Variants in CNTNAP2 observed in about 807,000 individuals in gnomAD.
The protein encoded by CNTNAP2 is contactin associated protein 2.
CNTNAP2 carries 98 observed loss-of-function variants against 155.2 expected under a neutral mutation model. The observed-to-expected ratio is 0.63, with a 90% CI of 0.54 to 0.75. The LOEUF is 0.75. Among genes scored for constraint, CNTNAP2 ranks in the 30% least tolerant of loss-of-function variants. The pLI, the probability that CNTNAP2 is intolerant of heterozygous loss-of-function variation, is 0.00. For synonymous variants in CNTNAP2, 651 were observed against 631.2 expected (o/e 1.03, Z -0.47); for missense variants, 1,727 against 1,688.1 (o/e 1.02, Z -0.40).
At chr7:146,993,066 G>A (rs1350473192) in intron 3 of CNTNAP2, among the ~76,000 whole-genome samples, 2 of 152,160 alleles carry the variant, frequency 1.3e-5, no homozygotes, top group African/African-American at 2.4e-5. Flanking sequence ...GAGGCAGAAC[G>A]CAGGAGAGAT....
intron 11 of CNTNAP2, among the ~76,000 whole-genome samples, chr7:147,489,891 A>G (rs1798574881): frequency 6.6e-6 from 1 of 152,192 alleles, no homozygotes; most frequent in Non-Finnish European, 1.5e-5. Context: ...CTGGGATTAC[A>G]GGCATGAGCC....
intron 10 of CNTNAP2, among the ~76,000 whole-genome samples, chr7:147,417,226 C>A (rs1797209027): frequency 6.6e-6 from 1 of 152,124 alleles, no homozygotes; most frequent in Non-Finnish European, 1.5e-5. Flanking sequence ...TTTATCCAGG[C>A]TGCTATAACA....
At chr7:146,126,191 T>A (rs1037514460) in intron 1 of CNTNAP2, among the ~76,000 whole-genome samples, 2 of 152,194 alleles carry the variant, frequency 1.3e-5, no homozygotes, top group African/African-American at 2.4e-5. Flanking sequence ...GCTGTCTCTG[T>A]GTTCAAGTTC....
chr7:147,470,229 C>T (rs1563216877), intron 10 of CNTNAP2, among the ~76,000 whole-genome samples: 3 of 152,180 alleles, frequency 2.0e-5, no homozygotes, highest in African/African-American at 7.2e-5. Flanking sequence ...AGCCGGGAAA[C>T]CACAGAAATA....
rs1252814013 is a variant in CNTNAP2 at position 147,560,945 on chromosome 7, A to T, written c.1778-1193A>T. 4.6e-5 allele frequency among the ~76,000 whole-genome samples: 7 copies of T among 151,788 alleles called. No homozygotes were observed. The East Asian group carries it at 9.7e-4, about 21-fold the overall frequency. ...GGGAGGTCCCAGAATCAGACCACCC[A>T]TGAAACTGACTTTCTGATTCCAACC... is the stretch of plus-strand genomic sequence containing the variant. On this transcript the variant is annotated intron_variant, in intron 11 of 23. Coordinates refer to ENST00000361727, the MANE Select transcript of CNTNAP2 (RefSeq NM_014141.6).
intron 12 of CNTNAP2, among the ~76,000 whole-genome samples, chr7:147,637,492 A>G (rs539251187): frequency 6.6e-6 from 1 of 152,150 alleles, no homozygotes; most frequent in South Asian, 2.1e-4. Context: ...AGGAAGTTCA[A>G]TAAGTCTCTT....
intron 15 of CNTNAP2, among the ~76,000 whole-genome samples, chr7:147,984,455 A>C (rs966806723): frequency 4.6e-5 from 7 of 152,192 alleles, no homozygotes; most frequent in Non-Finnish European, 2.9e-5. Context: ...CTTTGCCAAT[A>C]AGTTTCAGAG....
chr7:146,247,936 G>A (rs894533016), intron 1 of CNTNAP2, among the ~76,000 whole-genome samples: 1 of 151,820 alleles, frequency 6.6e-6, no homozygotes, highest in Non-Finnish European at 1.5e-5. Flanking sequence ...TTGGGGCACA[G>A]AGATACGAGG....
intron 4 of CNTNAP2, among the ~76,000 whole-genome samples, chr7:147,099,537 A>G (rs1255767812): frequency 6.6e-6 from 1 of 152,170 alleles, no homozygotes; most frequent in African/African-American, 2.4e-5. Context: ...TTTCCTCAAT[A>G]TTATATAAAT....
At chr7:147,046,324 AG>A (rs1446388143) in intron 4 of CNTNAP2, among the ~76,000 whole-genome samples, 4 of 152,208 alleles carry the variant, frequency 2.6e-5, no homozygotes, top group Non-Finnish European at 4.4e-5. Context: ...ACCAAAGATT[AG>A]TTCTTGTTTT....
At chr7:146,595,978 A>G (rs1023784731) in intron 1 of CNTNAP2, among the ~76,000 whole-genome samples, 15 of 152,070 alleles carry the variant, frequency 9.9e-5, no homozygotes, top group African/African-American at 3.6e-4. Flanking sequence ...TACATGAAAG[A>G]AAATCATTTT....
intron 16 of CNTNAP2, among the ~76,000 whole-genome samples, chr7:148,140,406 A>G (rs1246868843): frequency 6.7e-6 from 1 of 148,238 alleles, no homozygotes; most frequent in Non-Finnish European, 1.5e-5. Context: ...GTAAGGCCCC[A>G]TCTTTTTTCT....
chr7:146,624,639 A>G (rs1381844060), intron 1 of CNTNAP2, among the ~76,000 whole-genome samples: 2 of 151,634 alleles, frequency 1.3e-5, no homozygotes, highest in African/African-American at 4.8e-5. Context: ...CTGTAGCTTT[A>G]TTTGTCTTGG....
At chr7:147,155,298 A>G (rs1801901737) in intron 8 of CNTNAP2, among the ~76,000 whole-genome samples, 1 of 152,166 alleles carries the variant, frequency 6.6e-6, no homozygotes, top group African/African-American at 2.4e-5. Context: ...TGAACCTGCC[A>G]GTGCCTTGAT....
At position 147,518,097 on chromosome 7, in the gene CNTNAP2, G is replaced by A. The variant is rs866832110; in HGVS notation, c.1777+32056G>A. Among the ~76,000 whole-genome samples, 39 of 152,196 alleles carry A rather than the reference G, an allele frequency of 2.6e-4. 1 individual carries two copies. Among genetic ancestry groups the A allele is most frequent in the East Asian group, 2.1e-3 (11 of 5,176 alleles). ...TATATAGTTATCAATCCTTAAAGCC[G>A]AATTTCATTCTTGGTAGTTACTGTT... On this transcript the variant is annotated intron_variant, in intron 11 of 23. Coordinates refer to ENST00000361727, the MANE Select transcript of CNTNAP2 (RefSeq NM_014141.6).
At chr7:147,117,782 T>C (rs1801018594) in intron 5 of CNTNAP2, among the ~76,000 whole-genome samples, 1 of 152,228 alleles carries the variant, frequency 6.6e-6, no homozygotes, top group Admixed American at 6.5e-5. Flanking sequence ...TTTTTGTAGG[T>C]AATGATACAT....
At chr7:147,042,825 C>A (rs1026985846) in intron 3 of CNTNAP2, among the ~76,000 whole-genome samples, 2 of 151,850 alleles carry the variant, frequency 1.3e-5, no homozygotes, top group Admixed American at 6.6e-5. Context: ...AAGGCTAAAA[C>A]CTCAAGTTAT....
At chr7:146,285,978 CTGTGTGTGTGTGTGTGTGTGTGTG>C (rs540809295) in intron 1 of CNTNAP2, among the ~76,000 whole-genome samples, 12 of 33,700 alleles carry the variant, frequency 3.6e-4, no homozygotes, top group Non-Finnish European at 5.2e-4. Flanking sequence ...CCTTCCTTCT[CTGTGTGTGTGTGTGTGTGTGTGTG>C]TGTGTGTGTG....
chr7:147,174,487 C>A (rs999535934), intron 8 of CNTNAP2, among the ~76,000 whole-genome samples: 18 of 152,036 alleles, frequency 1.2e-4, no homozygotes, highest in African/African-American at 4.1e-4. Flanking sequence ...CAGACAACAC[C>A]CAACAGATAT....
Sources: gnomAD v4.1 joint callset for allele counts (sites outside exome capture counted in the v4.1 genomes callset) on GRCh38, gnomAD v4.1.1 for gene constraint, MANE v1.5 for transcripts, NCBI Gene and HGNC (gene_info 2026-07-23, HGNC 2026-07-21) for gene names.